The following PATJ variants were observed in gnomAD, a reference collection of about 807,000 sequenced individuals.
PATJ encodes the protein inaD-like protein.
In PATJ, 190 loss-of-function variants were observed where a neutral mutation model predicts 224.9. That is an observed-to-expected ratio of 0.84 (90% CI 0.75 to 0.95). The LOEUF is 0.95. PATJ is among the 40% of genes least tolerant of loss of function. The pLI is 0.00. For synonymous variants in PATJ, 769 were observed against 820.3 expected (o/e 0.94, Z 1.07); for missense variants, 2,121 against 2,270.3 (o/e 0.93, Z 1.34).
chr1:62,114,394 T>A lies in PATJ; in HGVS notation c.4655+148T>A, dbSNP rs868021444. Reference sequence around the variant, plus strand: ...GAAAATTTGACAACATGGGTCATATTTCTGAGCAAGGTCTTACCAGAAAAA... The same window carrying A: ...GAAAATTTGACAACATGGGTCATATATCTGAGCAAGGTCTTACCAGAAAAA... On this transcript the variant is annotated intron_variant, in intron 35 of 43. Coordinates refer to ENST00000642238, the MANE Select transcript of PATJ (RefSeq NM_001350145.3). 5.4e-5 allele frequency: 40 copies of A among 743,170 alleles called. No individual in the cohort carries two copies. In the South Asian group the frequency reaches 7.8e-4, roughly 15 times the overall value. 46.0% of individuals were successfully genotyped at this position (743,170 alleles called of 1,614,324 possible).
At chr1:61,786,369 T>C (rs1648523203) in intron 7 of PATJ, among the ~76,000 whole-genome samples, 1 of 151,808 alleles carries the variant, frequency 6.6e-6, no homozygotes, top group Admixed American at 6.6e-5. Context: ...CGCAAGGTGT[T>C]TTGTTGTTGT....
chr1:62,020,880 C>A (rs530827515), intron 29 of PATJ, among the ~76,000 whole-genome samples: 2 of 152,236 alleles, frequency 1.3e-5, no homozygotes, highest in South Asian at 4.1e-4. Flanking sequence ...GGCTGGAGTG[C>A]AGTGGTGCGA....
intron 5 of PATJ, among the ~76,000 whole-genome samples, chr1:61,770,085 G>A (rs1363383144): frequency 6.6e-6 from 1 of 152,112 alleles, no homozygotes; most frequent in African/African-American, 2.4e-5. Context: ...AGCAACAATG[G>A]TAGTATATTA....
intron 25 of PATJ, 23 bp downstream of exon 25, chr1:61,908,505 A>G: frequency 2.0e-6 from 3 of 1,501,426 alleles, no homozygotes; most frequent in Non-Finnish European, 1.9e-6. Flanking sequence ...TCATATTTTC[A>G]AAAAGTTTAA....
chr1:61,755,372 A>G (rs1459012219), intron 1 of PATJ, among the ~76,000 whole-genome samples: 1 of 151,946 alleles, frequency 6.6e-6, no homozygotes, highest in African/African-American at 2.4e-5. Flanking sequence ...CCTTACCCTC[A>G]TAAAGTTTCT....
intron 42 of PATJ, 144 bp downstream of exon 42, chr1:62,148,534 C>A: frequency 1.6e-6 from 1 of 643,770 alleles, no homozygotes; most frequent in Non-Finnish European, 2.8e-6. Context: ...TTATTTCTCA[C>A]AAGGCTTAAT....
Position 61,916,866 on chromosome 1 carries a change from A to G in PATJ, c.3570+2202A>G, listed in dbSNP as rs149972147. Among the ~76,000 whole-genome samples the G allele has an allele frequency of 3.0e-3, 453 of 152,302 alleles. 2 individuals are homozygous for G. Among genetic ancestry groups the G allele is most frequent in the Admixed American group, 7.3e-3 (111 of 15,292 alleles). Reference sequence around the variant, plus strand: ...TGGTGATGAAATCATAGGGAGTCCAAAACTGTCCTCTTGTGCTGAGTCAGT... The same window carrying G: ...TGGTGATGAAATCATAGGGAGTCCAGAACTGTCCTCTTGTGCTGAGTCAGT... On this transcript the variant is annotated intron_variant, in intron 26 of 43. Transcript: ENST00000642238.
At chr1:61,915,611 A>C (rs961364765) in intron 26 of PATJ, among the ~76,000 whole-genome samples, 6 of 151,846 alleles carry the variant, frequency 4.0e-5, no homozygotes, top group Non-Finnish European at 7.4e-5. Context: ...TTGGATGTTG[A>C]GACTTTTAAG....
intron 27 of PATJ, among the ~76,000 whole-genome samples, chr1:61,949,220 A>G (rs1034892522): frequency 1.3e-5 from 2 of 152,062 alleles, no homozygotes; most frequent in African/African-American, 4.8e-5. Context: ...AATAATAAAA[A>G]AAAAGAAAAA....
At chr1:61,766,175 A>G in intron 3 of PATJ, 104 bp from the exon 4 acceptor site, 1 of 732,622 alleles carries the variant, frequency 1.4e-6, no homozygotes. Context: ...TTCCATGTAT[A>G]TATTTAATGT....
chr1:61,769,248 A>G, intron 4 of PATJ, 35 bp from the exon 5 acceptor site: 1 of 1,589,510 alleles, frequency 6.3e-7, no homozygotes, highest in Non-Finnish European at 8.5e-7. Flanking sequence ...CTAAATGTAC[A>G]CCATTGACTT....
At chr1:61,866,055 G>T (rs1049129569) in intron 20 of PATJ, among the ~76,000 whole-genome samples, 5 of 152,190 alleles carry the variant, frequency 3.3e-5, no homozygotes, top group Non-Finnish European at 7.3e-5. Flanking sequence ...ATGCCTGGTT[G>T]CCTCTGGAAA....
chr1:61,939,140 A>G (rs1571392661), intron 27 of PATJ, among the ~76,000 whole-genome samples: 1 of 151,040 alleles, frequency 6.6e-6, no homozygotes. Context: ...AAAAAAAAAA[A>G]AAAAAAAATT....
At chr1:61,892,596 T>C (rs9970661) in intron 22 of PATJ, among the ~76,000 whole-genome samples, 115,806 of 152,058 alleles carry the variant, frequency 0.76, 44,747 homozygotes, top group Middle Eastern at 0.83. Context: ...TTAATTCCTT[T>C]GGGGAAAAAT....
intron 43 of PATJ, among the ~76,000 whole-genome samples, chr1:62,159,115 C>A (rs1558251750): frequency 2.0e-5 from 3 of 152,102 alleles, no homozygotes; most frequent in African/African-American, 7.2e-5. Flanking sequence ...TGATTTTATC[C>A]AGTAAAATTA....
intron 28 of PATJ, among the ~76,000 whole-genome samples, chr1:61,997,983 TA>T (rs1257074081): frequency 0.078 from 4,573 of 59,000 alleles, 429 homozygotes; most frequent in African/African-American, 0.16. Context: ...GTGCCCAGCT[TA>T]TATATGTATA....
At chr1:62,108,992 A>C (rs1663472539) in intron 34 of PATJ, among the ~76,000 whole-genome samples, 1 of 152,228 alleles carries the variant, frequency 6.6e-6, no homozygotes, top group Non-Finnish European at 1.5e-5. Context: ...TTTCAAGTTG[A>C]TGAAAATGTA....
At chr1:61,944,295 T>A (rs1315975321) in intron 27 of PATJ, among the ~76,000 whole-genome samples, 2 of 152,160 alleles carry the variant, frequency 1.3e-5, no homozygotes, top group African/African-American at 4.8e-5. Context: ...AGGAGGATGT[T>A]TGAACCAATT....
chr1:62,123,539 G>T (rs1234539045), intron 39 of PATJ, among the ~76,000 whole-genome samples: 1 of 131,826 alleles, frequency 7.6e-6, no homozygotes, highest in Non-Finnish European at 1.5e-5. Flanking sequence ...GTGCACTGGT[G>T]CGATCTCGGC....
Sources: allele counts gnomAD v4.1 joint callset (sites outside exome capture counted in the v4.1 genomes callset), GRCh38; gene constraint gnomAD v4.1.1; transcripts MANE v1.5; gene names NCBI Gene and HGNC (gene_info 2026-07-23, HGNC 2026-07-21).